STAG3: variants seen among roughly 807,000 people sequenced by gnomAD.
The protein encoded by STAG3 is cohesin subunit SA-3.
Under a neutral mutation model 160.7 loss-of-function variants are expected in STAG3, and 101 were observed. The ratio of observed to expected loss-of-function variants is 0.63; its 90% CI spans 0.54 to 0.74. STAG3 has a LOEUF of 0.74. STAG3 is among the 30% of genes least tolerant of loss of function. STAG3 has a pLI of 0.00. For synonymous variants in STAG3, 519 were observed against 585.0 expected, an observed-to-expected ratio of 0.89 and a Z score of 1.63; for missense variants, 1,188 against 1,517.4, an observed-to-expected ratio of 0.78 and a Z score of 3.61.
chr7:100,197,544 T>C, intron 10 of STAG3: 1 of 639,064 alleles, frequency 1.6e-6, no homozygotes, highest in Non-Finnish European at 2.8e-6. Context: ...TGGATGGTAA[T>C]GCAGGTGCTA....
At chr7:100,196,688 G>A (rs1230003643) in intron 9 of STAG3, among the ~76,000 whole-genome samples, 11 of 152,102 alleles carry the variant, frequency 7.2e-5, no homozygotes, top group Non-Finnish European at 1.6e-4. Context: ...CTACTCGGGA[G>A]GCTGAGGCAG....
Position 100,200,975 on chromosome 7 carries a change from A to G in STAG3, c.2061+6A>G. 1.2e-6 allele frequency: 2 copies of G among 1,614,102 alleles called. No homozygotes were observed. The highest frequency in any genetic ancestry group is 1.7e-6 in the Non-Finnish European group (2 of 1,179,994). On this transcript the variant is annotated splice_donor_region_variant and intron_variant, in intron 19 of 33. Coordinates refer to ENST00000615138, the MANE Select transcript of STAG3 (RefSeq NM_001282717.2). ...AGCTTGAAGAGCTGTTACAGGTAGG[A>G]GCTGGGGCTGGACAATGGGACACCC...
At chr7:100,191,149 T>C (rs1381312596) in intron 8 of STAG3, among the ~76,000 whole-genome samples, 1 of 152,048 alleles carries the variant, frequency 6.6e-6, no homozygotes, top group Non-Finnish European at 1.5e-5. Flanking sequence ...CATGGTAGGA[T>C]GTTTAGCAGA....
chr7:100,213,473 T>C (rs1802461506), intron 32 of STAG3: 1 of 985,328 alleles, frequency 1.0e-6, no homozygotes, highest in Non-Finnish European at 1.2e-6. Flanking sequence ...TGTTAAAATA[T>C]TATTTCCTAA....
chr7:100,184,475 T>G (rs1481913333), intron 4 of STAG3, among the ~76,000 whole-genome samples: 5 of 141,320 alleles, frequency 3.5e-5, no homozygotes, highest in Non-Finnish European at 7.7e-5. Flanking sequence ...TTTTTTTTTT[T>G]TTTTTTTTTT....
At chr7:100,213,549 C>A in intron 32 of STAG3, 186 bp from the exon 33 acceptor site, 3 of 985,384 alleles carry the variant, frequency 3.0e-6, no homozygotes, top group South Asian at 9.4e-5. Flanking sequence ...AGTCAGCAGG[C>A]CAAGAAGCGC....
chr7:100,189,036 C>T lies in STAG3; in HGVS notation c.715+20C>T. ...TGGCTGGTGAGCATTCATTTTTACT[C>T]TGGACATTCTCCTGGGGATTTATAG... On this transcript the variant is annotated intron_variant, in intron 7 of 33. Coordinates refer to ENST00000615138, the MANE Select transcript of STAG3 (RefSeq NM_001282717.2). The T allele has an allele frequency of 6.2e-7, 1 of 1,612,822 alleles. No homozygotes were observed. The highest frequency in any genetic ancestry group is 8.5e-7 in the Non-Finnish European group (1 of 1,179,170).
Position 100,189,023 on chromosome 7 carries a change from A to G in STAG3, c.715+7A>G, listed in dbSNP as rs781523221. The stretch of plus-strand genomic sequence containing the variant: ...CACACTAGCACCCTGGCTGGTGAGC[A>G]TTCATTTTTACTCTGGACATTCTCC... On this transcript the variant is annotated splice_region_variant and intron_variant, in intron 7 of 33. Transcript: ENST00000615138. 1.9e-6 allele frequency: 3 copies of G among 1,613,806 alleles called. No individual in the cohort carries two copies. In the East Asian group the frequency reaches 6.7e-5, roughly 36 times the overall value.
At chr7:100,180,348 C>T (rs564202355) in intron 1 of STAG3, 145 bp from the exon 2 acceptor site, 18 of 487,200 alleles carry the variant, frequency 3.7e-5, no homozygotes, top group African/African-American at 1.4e-4. Context: ...GCATGAGCCA[C>T]GGTGCCCAGC....
rs545562565 is a variant in STAG3 at position 100,206,397 on chromosome 7, T to A, written c.3238+1013T>A. On this transcript the variant is annotated intron_variant, in intron 29 of 33. Transcript: ENST00000615138. ...GCAATCATTATTTCATATGCAAGTA[T>A]GTGTTTTCTAGTGTACATTTTTAAA... Among the ~76,000 whole-genome samples, 7 of 152,294 alleles carry A rather than the reference T, an allele frequency of 4.6e-5. No homozygotes were observed. The South Asian group carries it at 1.5e-3, about 32-fold the overall frequency.
Position 100,201,951 on chromosome 7 carries a change from G to A in STAG3, c.2304G>A (p.Lys768=). The A allele has an allele frequency of 6.2e-7, 1 of 1,614,168 alleles. No individual in the cohort carries two copies. Among genetic ancestry groups the A allele is most frequent in the Non-Finnish European group, 8.5e-7 (1 of 1,180,036 alleles). ...CCTTCAAGCCACTGTGCCCACAGAA[G>A]CAGCTGTCGAGTTTGAGGGACAGAA... ...THISKSDASQ[K]QLSSLRDRMV... Residue 768 remains lysine (K), a splice_region_variant and synonymous_variant, in exon 23 of 34, where the codon AAG becomes AAA. Transcript: ENST00000615138.
intron 29 of STAG3, among the ~76,000 whole-genome samples, chr7:100,208,733 C>T (rs1013518178): frequency 6.6e-6 from 1 of 152,142 alleles, no homozygotes; most frequent in African/African-American, 2.4e-5. Flanking sequence ...GCTGGGAATA[C>T]AGCAGTGAAC....
rs1800164902 is a variant in STAG3, at chr7:100,188,480, A to T, written c.461A>T (p.Lys154Met). Residue 154 changes from lysine (K) to methionine (M), a missense_variant, in exon 6 of 34, where the codon AAG (lysine) becomes ATG (methionine). This residue lies in a region of STAG3 where 296 missense variants were observed against 404.0 expected (regional missense o/e 0.73). Coordinates refer to ENST00000615138, the MANE Select transcript of STAG3 (RefSeq NM_001282717.2). ...ATTGTGACCCCTGAGATGTTCAAGA[A>T]GATGTCCAACTCAGAGATCATCCAG... is the stretch of plus-strand genomic sequence containing the variant. ...KGIVTPEMFK[K>M]MSNSEIIQHL... 5 of 1,613,598 alleles carry T rather than the reference A, an allele frequency of 3.1e-6. No individual in the cohort carries two copies. Among genetic ancestry groups the T allele is most frequent in the South Asian group, 1.1e-5 (1 of 91,074 alleles).
rs767306723 is a variant in STAG3 at position 100,200,845 on chromosome 7, C to T, written c.1937C>T (p.Ala646Val). Residue 646 changes from alanine (A) to valine (V), a missense_variant, in exon 19 of 34, where the codon GCG (alanine) becomes GTG (valine). Ala to Val is a moderately conservative substitution (Grantham distance 64). Around this residue, in one of 4 missense-constraint regions of STAG3, gnomAD observed 647 missense variants for 717.2 expected, o/e 0.90. Transcript: ENST00000615138. ...GAGCCAGCGGTGCTTGAGGCTGGGG[C>T]GCATGCCCTCTACCTGCTCTGTAAT... is the stretch of plus-strand genomic sequence containing the variant. ...HAEPAVLEAG[A>V]HALYLLCNPE... 8 of 1,614,066 alleles carry T rather than the reference C, an allele frequency of 5.0e-6. No individual in the cohort carries two copies. The highest frequency in any genetic ancestry group is 3.3e-5 in the Admixed American group (2 of 59,998).
At chr7:100,195,194 C>T in intron 8 of STAG3, 115 bp from the exon 9 acceptor site, 1 of 894,528 alleles carries the variant, frequency 1.1e-6, no homozygotes, top group Non-Finnish European at 1.9e-6. Context: ...TACGGGGGTT[C>T]ACACTATCCT....
Position 100,213,729 on chromosome 7 carries a change from C to G in STAG3, c.3601-6C>G. ...CCTTTTTGACTTTTAACCTCATTCT[C>G]TCTAGCAAGCAAGTAGCTACTCTTC... On this transcript the variant is annotated splice_region_variant and splice_polypyrimidine_tract_variant and intron_variant, in intron 32 of 33. Transcript: ENST00000615138. The G allele has an allele frequency of 1.2e-6, 2 of 1,614,214 alleles. No homozygotes were observed. Among genetic ancestry groups the G allele is most frequent in the Non-Finnish European group, 1.7e-6 (2 of 1,180,020 alleles).
intron 1 of STAG3, among the ~76,000 whole-genome samples, chr7:100,179,985 T>G (rs1481214578): frequency 1.1e-4 from 16 of 152,238 alleles, no homozygotes; most frequent in Admixed American, 9.8e-4. Context: ...TCTGCCTGCC[T>G]CGACCTCCCA....
intron 29 of STAG3, among the ~76,000 whole-genome samples, chr7:100,210,008 T>C (rs1043201144): frequency 6.6e-6 from 1 of 152,104 alleles, no homozygotes; most frequent in Non-Finnish European, 1.5e-5. Flanking sequence ...AGGCTTGAGA[T>C]CCCTTTGGGA....
chr7:100,188,086 G>A (rs568765091), intron 5 of STAG3, among the ~76,000 whole-genome samples: 1 of 152,246 alleles, frequency 6.6e-6, no homozygotes, highest in South Asian at 2.1e-4. Context: ...CGTTCTTGTT[G>A]TGCTTCTTGG....
Sources: gnomAD v4.1 joint callset for allele counts (sites outside exome capture counted in the v4.1 genomes callset) on GRCh38, gnomAD v4.1.1 for gene constraint, gnomAD v4.1.1 regional missense constraint, MANE v1.5 for transcripts, NCBI Gene and HGNC (gene_info 2026-07-23, HGNC 2026-07-21) for gene names.